The following EXOC6 variants were observed in gnomAD, a reference collection of about 807,000 sequenced individuals.
The protein encoded by EXOC6 is exocyst complex component 6, also known as SEC15-like 1.
A neutral mutation model predicts 112.5 loss-of-function variants in EXOC6; 60 were observed. That is an observed-to-expected ratio of 0.53 (90% CI 0.43 to 0.66). The LOEUF is 0.66. Among genes scored for constraint, EXOC6 ranks in the 30% least tolerant of loss-of-function variants. The pLI is 0.00. For synonymous variants in EXOC6, 295 were observed against 308.0 expected, an observed-to-expected ratio of 0.96 and a Z score of 0.44; for missense variants, 855 against 957.1, an observed-to-expected ratio of 0.89 and a Z score of 1.41.
In EXOC6 at chr10:92,974,877, G is replaced by A. The variant is rs562583031; in HGVS notation, c.1953+645G>A. 7.9e-4 allele frequency among the ~76,000 whole-genome samples: 120 copies of A among 152,314 alleles called. 1 individual carries two copies. Among genetic ancestry groups the A allele is most frequent in the Middle Eastern group, 3.4e-3 (1 of 294 alleles). The stretch of plus-strand genomic sequence containing the variant: ...TCTGGTTCACTCAGTGCTCAATGGT[G>A]CCCAGGCTGGAGTGCAGTGGCGTGC... On this transcript the variant is annotated intron_variant, in intron 18 of 21. Coordinates refer to ENST00000260762, the MANE Select transcript of EXOC6 (RefSeq NM_019053.6).
intron 6 of EXOC6, among the ~76,000 whole-genome samples, chr10:92,912,029 CAG>C (rs1440778628): frequency 2.7e-5 from 4 of 150,136 alleles, no homozygotes; most frequent in East Asian, 3.9e-4. Context: ...CTCAGTTTGG[CAG>C]AGTCACAGTT....
chr10:92,993,575 C>G (rs1040623144), intron 18 of EXOC6, among the ~76,000 whole-genome samples: 1 of 151,982 alleles, frequency 6.6e-6, no homozygotes, highest in South Asian at 2.1e-4. Flanking sequence ...ATTTCTCTTA[C>G]AATTATATTA....
Position 92,872,724 on chromosome 10 carries a change from A to G in EXOC6, c.102-20625A>G, listed in dbSNP as rs539266402. Among the ~76,000 whole-genome samples the G allele has an allele frequency of 2.0e-5, 3 of 152,108 alleles. No homozygotes were observed. The South Asian group carries it at 6.3e-4, about 32-fold the overall frequency. ...AAATAAAGATATTTATAGACTTTATAGTCTTTAGCATTGTAAATCATAAGT... is the reference window on the plus strand; with the variant it reads ...AAATAAAGATATTTATAGACTTTATGGTCTTTAGCATTGTAAATCATAAGT... On this transcript the variant is annotated intron_variant, in intron 1 of 21. Coordinates refer to ENST00000260762, the MANE Select transcript of EXOC6 (RefSeq NM_019053.6).
At chr10:92,991,627 A>G (rs1347051308) in intron 18 of EXOC6, among the ~76,000 whole-genome samples, 1 of 152,096 alleles carries the variant, frequency 6.6e-6, no homozygotes, top group Non-Finnish European at 1.5e-5. Flanking sequence ...GGATAGGGGA[A>G]GTTTTGAGGG....
intron 18 of EXOC6, among the ~76,000 whole-genome samples, chr10:92,981,504 C>T (rs1842824201): frequency 6.6e-6 from 1 of 152,106 alleles, no homozygotes; most frequent in Non-Finnish European, 1.5e-5. Context: ...TAAAGGTACC[C>T]AATTTATGCA....
chr10:93,053,832 G>A (rs541051902), intron 20 of EXOC6, among the ~76,000 whole-genome samples: 1 of 152,298 alleles, frequency 6.6e-6, no homozygotes, highest in Admixed American at 6.5e-5. Flanking sequence ...ACTTGTTCCA[G>A]CAGTACAATG....
intron 8 of EXOC6, among the ~76,000 whole-genome samples, chr10:92,920,276 C>T (rs1398156840): frequency 6.6e-6 from 1 of 152,070 alleles, no homozygotes; most frequent in African/African-American, 2.4e-5. Context: ...AGTATACTTC[C>T]ATTTCTCCCT....
Position 92,974,046 on chromosome 10 carries a change from A to C in EXOC6, c.1774-7A>C, listed in dbSNP as rs770386560. ...CTTGTCTTTGTTGTTATTTTGTCCC[A>C]TGTCAGGATGCTCGACATGCAGCAG... On this transcript the variant is annotated splice_region_variant and splice_polypyrimidine_tract_variant and intron_variant, in intron 17 of 21. Coordinates refer to ENST00000260762, the MANE Select transcript of EXOC6 (RefSeq NM_019053.6). The C allele has an allele frequency of 3.2e-6, 5 of 1,580,040 alleles. No individual in the cohort carries two copies. The Admixed American group carries it at 1.0e-4, about 32-fold the overall frequency.
At chr10:93,052,181 T>C (rs960889379) in intron 20 of EXOC6, among the ~76,000 whole-genome samples, 1 of 152,214 alleles carries the variant, frequency 6.6e-6, no homozygotes, top group African/African-American at 2.4e-5. Flanking sequence ...TGGGTTCACT[T>C]TTAAAAAGGC....
At chr10:92,862,550 C>G (rs1360758247) in intron 1 of EXOC6, among the ~76,000 whole-genome samples, 1 of 152,114 alleles carries the variant, frequency 6.6e-6, no homozygotes, top group Non-Finnish European at 1.5e-5. Flanking sequence ...ACTCACTAGA[C>G]ATGAATCTGC....
upstream of EXOC6, among the ~76,000 whole-genome samples, chr10:92,844,324 G>A (rs1010345846): frequency 5.3e-5 from 8 of 152,194 alleles, no homozygotes; most frequent in Non-Finnish European, 1.2e-4. Context: ...TGTAGGAGCA[G>A]TTCCTGGAAA....
intron 19 of EXOC6, among the ~76,000 whole-genome samples, chr10:93,002,589 C>G (rs1843804626): frequency 6.6e-6 from 1 of 152,146 alleles, no homozygotes; most frequent in Non-Finnish European, 1.5e-5. Flanking sequence ...CGCTGTATTA[C>G]ATGGACCTCT....
upstream of EXOC6, among the ~76,000 whole-genome samples, chr10:92,846,960 G>A (rs1641100308): frequency 6.6e-6 from 1 of 152,218 alleles, no homozygotes; most frequent in South Asian, 2.1e-4. Flanking sequence ...AGAATGGTCA[G>A]AGAGATGTAA....
upstream of EXOC6, among the ~76,000 whole-genome samples, chr10:92,831,903 A>T (rs759958258): frequency 6.6e-6 from 1 of 152,166 alleles, no homozygotes; most frequent in African/African-American, 2.4e-5. Flanking sequence ...TCTTCCTGTA[A>T]TTCTTCTATA....
chr10:92,995,820 C>T (rs140159996), intron 18 of EXOC6, among the ~76,000 whole-genome samples: 10 of 152,158 alleles, frequency 6.6e-5, no homozygotes, highest in East Asian at 5.8e-4. Context: ...CTTAAGTTTT[C>T]GATTGAGAAA....
intron 1 of EXOC6, among the ~76,000 whole-genome samples, 162 bp from the exon 2 acceptor site, chr10:92,893,187 A>G (rs939766642): frequency 6.6e-6 from 1 of 152,188 alleles, no homozygotes; most frequent in Non-Finnish European, 1.5e-5. Context: ...TATCATGTTC[A>G]AGAAGAAATA....
At chr10:92,889,320 T>C (rs182326253) in intron 1 of EXOC6, among the ~76,000 whole-genome samples, 1 of 152,336 alleles carries the variant, frequency 6.6e-6, no homozygotes, top group African/African-American at 2.4e-5. Flanking sequence ...AAGACTTTTT[T>C]TTCTTTAGAG....
intron 1 of EXOC6, among the ~76,000 whole-genome samples, chr10:92,854,181 T>A (rs1847487225): frequency 6.6e-6 from 1 of 152,172 alleles, no homozygotes; most frequent in African/African-American, 2.4e-5. Context: ...GGCTCACACC[T>A]GTAATCCCAA....
chr10:92,934,186 G>A lies in EXOC6; in HGVS notation c.1015G>A (p.Val339Ile), dbSNP rs1564842192. 3 of 1,547,652 alleles carry A rather than the reference G, an allele frequency of 1.9e-6. No homozygotes were observed. The highest frequency in any genetic ancestry group is 2.7e-6 in the Non-Finnish European group (3 of 1,131,668). Residue 339 changes from valine to isoleucine, a missense_variant, in exon 10 of 22, where the codon GTA becomes ATA. Physicochemically the swap from Val to Ile is conservative, Grantham distance 29 (BLOSUM62 3). Around this residue, in one of 2 missense-constraint regions of EXOC6, gnomAD observed 450 missense variants for 563.5 expected, o/e 0.80. Transcript: ENST00000260762. ...CTATAGAAGATATTTCACTCAAATTGTAGGGTATGTATCTAATATGGAAAT... is the reference window on the plus strand; with the variant it reads ...CTATAGAAGATATTTCACTCAAATTATAGGGTATGTATCTAATATGGAAAT... ...DGYRRYFTQI[V>I]GFFVVEDHIL... is the part of the protein sequence containing the mutation.
Sources: gnomAD v4.1 joint callset for allele counts (sites outside exome capture counted in the v4.1 genomes callset) on GRCh38, gnomAD v4.1.1 for gene constraint, gnomAD v4.1.1 regional missense constraint, MANE v1.5 for transcripts, NCBI Gene and HGNC (gene_info 2026-07-23, HGNC 2026-07-21) for gene names.